Variants in C1orf159 observed in about 807,000 individuals in gnomAD.
C1orf159 encodes chromosome 1 open reading frame 159.
In C1orf159, 19 loss-of-function variants were observed where a neutral mutation model predicts 25.6. The observed-to-expected ratio is 0.74, with a 90% CI of 0.52 to 1.09. The LOEUF is 1.09. C1orf159 is among the 50% of genes least tolerant of loss of function. The probability of loss-of-function intolerance (pLI) is 0.00; values close to 1 mark genes in which losing one functional copy is unlikely to be tolerated. For synonymous variants in C1orf159, 139 were observed against 124.7 expected (o/e 1.12, Z -0.77); for missense variants, 274 against 290.6 (o/e 0.94, Z 0.42).
chr1:1,097,030 G>A (rs1646017303), intron 1 of C1orf159, among the ~76,000 whole-genome samples: 2 of 150,774 alleles, frequency 1.3e-5, no homozygotes, highest in Non-Finnish European at 3.0e-5. Context: ...TGAGCCACCA[G>A]AGATGGCAAT....
At chr1:1,088,712 G>A (rs1036126950) in intron 4 of C1orf159, among the ~76,000 whole-genome samples, 2 of 152,162 alleles carry the variant, frequency 1.3e-5, no homozygotes, top group African/African-American at 4.8e-5. Flanking sequence ...CGGTGCGGCT[G>A]CTGGTGCGGG....
At chr1:1,108,599 G>GGCA (rs1646212088) in intron 1 of C1orf159, among the ~76,000 whole-genome samples, 1 of 102,994 alleles carries the variant, frequency 9.7e-6, no homozygotes, top group Non-Finnish European at 2.0e-5. Flanking sequence ...ACCATGTCTC[G>GGCA]GCACCGTTCA....
intron 1 of C1orf159, among the ~76,000 whole-genome samples, chr1:1,096,464 G>A (rs951887455): frequency 9.8e-4 from 149 of 152,250 alleles, no homozygotes; most frequent in African/African-American, 3.1e-3. Context: ...CACAGCACCC[G>A]TTCCCCCTCC....
At chr1:1,092,440 C>T (rs74048005) in intron 1 of C1orf159, 8,054 of 156,290 alleles carry the variant, frequency 0.052, 259 homozygotes, top group Middle Eastern at 0.095. Context: ...CTCTCTCCCC[C>T]CTGCACTTCC....
chr1:1,096,622 A>G (rs1244744760), intron 1 of C1orf159, among the ~76,000 whole-genome samples: 2 of 152,262 alleles, frequency 1.3e-5, no homozygotes, highest in African/African-American at 4.8e-5. Context: ...CTGAACAGAA[A>G]GAGGACCATG....
At position 1,087,908 on chromosome 1, in the gene C1orf159, C is replaced by T. The variant is rs1156285481; in HGVS notation, c.149-311G>A. Among the ~76,000 whole-genome samples, 1 of 150,018 alleles carries T rather than the reference C, an allele frequency of 6.7e-6. No individual in the cohort carries two copies. The highest frequency in any genetic ancestry group is 2.4e-5 in the African/African-American group (1 of 40,864). On this transcript the variant is annotated intron_variant, in intron 4 of 9. Coordinates refer to ENST00000421241, the MANE Select transcript of C1orf159 (RefSeq NM_017891.5). The surrounding 1 kb of genome is among the most constrained non-coding windows in gnomAD (Gnocchi z 8.3). ...ACGCTGCACTCTCCACGCCGAGCAC[C>T]CCAGCCCCGAGTACTCCACGCTGCA... is the stretch of plus-strand genomic sequence containing the variant.
At chr1:1,084,601 C>T in intron 7 of C1orf159, 95 bp from the exon 8 acceptor site, 1 of 1,483,368 alleles carries the variant, frequency 6.7e-7, no homozygotes. Context: ...GAGGAGCTGC[C>T]TCAGCCTCAG....
intron 1 of C1orf159, among the ~76,000 whole-genome samples, chr1:1,101,559 G>A (rs1426909738): frequency 6.6e-6 from 1 of 152,066 alleles, no homozygotes; most frequent in Non-Finnish European, 1.5e-5. Context: ...TCAGCTCATG[G>A]TCTATCGGCT....
intron 1 of C1orf159, among the ~76,000 whole-genome samples, chr1:1,108,133 A>C (rs966748036): frequency 2.7e-5 from 4 of 146,208 alleles, no homozygotes; most frequent in African/African-American, 1.0e-4. Flanking sequence ...CACAGCCACC[A>C]TGTCTCAGCA....
chr1:1,082,974 G>A lies in C1orf159; in HGVS notation c.516C>T (p.Arg172=). The A allele has an allele frequency of 2.5e-6, 4 of 1,600,232 alleles. No homozygotes were observed. The highest frequency in any genetic ancestry group is 3.4e-6 in the Non-Finnish European group (4 of 1,174,120). ...CCAGGGGCCGCTCCCGCCTGACGTA[G>A]CGCGGCTTCCGTACTGAAACGGGTC... The part of the protein sequence containing the change: ...PPPQSSVRKP[R]YVRRERPLDR... Residue 172 remains arginine, a synonymous_variant, in exon 10 of 10, where the codon CGC becomes CGT. Coordinates refer to ENST00000421241, the MANE Select transcript of C1orf159 (RefSeq NM_017891.5).
At position 1,090,253 on chromosome 1, in the gene C1orf159, AG is replaced by A. The variant is rs111386500; in HGVS notation, c.148+99del. 3.8e-5 allele frequency: 46 copies of A among 1,218,618 alleles called. No individual in the cohort carries two copies. The African/African-American group carries it at 5.3e-4, about 14-fold the overall frequency. 75.5% of individuals were successfully genotyped at this position (1,218,618 alleles called of 1,614,324 possible). A position where few individuals can be genotyped will look rare whatever the true frequency, so the allele number is the denominator to read the frequency against. On this transcript the variant is annotated intron_variant, in intron 4 of 9. Coordinates refer to ENST00000421241, the MANE Select transcript of C1orf159 (RefSeq NM_017891.5). ...ATCCACTCCCCAGGTCCCGCAGCAC[AG>A]ATGAGCACTGTCCTTGTCACCGAGG...
At chr1:1,084,913 C>T (rs1041392782) in intron 7 of C1orf159, among the ~76,000 whole-genome samples, 3 of 152,134 alleles carry the variant, frequency 2.0e-5, no homozygotes, top group Non-Finnish European at 4.4e-5. Flanking sequence ...TTGAGCCCCA[C>T]GGCCGTGGGC....
At position 1,082,038 on chromosome 1, in the gene C1orf159, G is replaced by A. The variant is rs1645750001; in HGVS notation, c.*855C>T. The stretch of plus-strand genomic sequence containing the variant: ...CCACGGTGGAGCCCGGGCCTGGCGT[G>A]CGGGAGGCGGCCACGACGGCGCCTT... On this transcript the variant is annotated 3_prime_UTR_variant, in exon 10 of 10. Coordinates refer to ENST00000421241, the MANE Select transcript of C1orf159 (RefSeq NM_017891.5). 6.6e-6 allele frequency: 1 copy of A among 152,286 alleles called. No homozygotes were observed. The highest frequency in any genetic ancestry group is 1.9e-4 in the East Asian group (1 of 5,178). The allele number at this position is 152,286 out of a possible 1,614,324, so 9.4% of individuals were successfully genotyped here. A position where few individuals can be genotyped will look rare whatever the true frequency, so the allele number is the denominator to read the frequency against.
intron 1 of C1orf159, among the ~76,000 whole-genome samples, chr1:1,114,570 A>G (rs12726255): frequency 0.25 from 37,772 of 152,074 alleles, 6,495 homozygotes; most frequent in African/African-American, 0.49. Context: ...TGCGTGTGGA[A>G]ACACCTGCCT....
intron 2 of C1orf159, 171 bp from the exon 3 acceptor site, chr1:1,091,736 GA>G (rs1363076013): frequency 2.7e-6 from 1 of 371,704 alleles, no homozygotes; most frequent in Non-Finnish European, 5.4e-6. Context: ...GGGCCAAATG[GA>G]AGTGGGCGGG....
In C1orf159 at chr1:1,110,964, C is replaced by T. The variant is rs945927374; in HGVS notation, c.-136+5096G>A. Among the ~76,000 whole-genome samples, 2 of 152,234 alleles carry T rather than the reference C, an allele frequency of 1.3e-5. No individual in the cohort carries two copies. Among genetic ancestry groups the T allele is most frequent in the Non-Finnish European group, 2.9e-5 (2 of 68,034 alleles). On this transcript the variant is annotated intron_variant, in intron 1 of 9. Transcript: ENST00000421241. This position sits in a 1 kb window ranked among gnomAD's most constrained non-coding sequence, Gnocchi z 4.8. ...GCGGGCGCTGGAGCAGCCTGCGAGG[C>T]AATCTCCATGGATCACAGGCAGATT...
intron 1 of C1orf159, chr1:1,115,211 T>C (rs1225507660): frequency 2.0e-5 from 3 of 152,178 alleles, no homozygotes; most frequent in African/African-American, 7.2e-5. Context: ...CGGTAAGAAA[T>C]GCCCCCGAAC....
Position 1,087,014 on chromosome 1 carries a change from C to T in C1orf159, c.310+125G>A. ...AAGCTGCAGGGGCTGCCACGCTCCCCTCTGGCTGTTTTGCAGAACCCTGAG... is the reference window on the plus strand; with the variant it reads ...AAGCTGCAGGGGCTGCCACGCTCCCTTCTGGCTGTTTTGCAGAACCCTGAG... On this transcript the variant is annotated intron_variant, in intron 6 of 9. Transcript: ENST00000421241. This position sits in a 1 kb window ranked among gnomAD's most constrained non-coding sequence, Gnocchi z 8.3. The T allele has an allele frequency of 1.0e-6, 1 of 997,296 alleles. No homozygotes were observed. Among genetic ancestry groups the T allele is most frequent in the Non-Finnish European group, 1.5e-6 (1 of 668,956 alleles). 61.8% of individuals were successfully genotyped at this position (997,296 alleles called of 1,614,324 possible). A position where few individuals can be genotyped will look rare whatever the true frequency, so the allele number is the denominator to read the frequency against.
In C1orf159 at chr1:1,090,507, T is replaced by C. The variant is rs929416715; in HGVS notation, c.73-79A>G. On this transcript the variant is annotated intron_variant, in intron 3 of 9. Coordinates refer to ENST00000421241, the MANE Select transcript of C1orf159 (RefSeq NM_017891.5). ...GCCCAGAGCAGCAGCGGCTGAGGGG[T>C]GCCGTGGGAGCACATCTCAATGTCC... The C allele has an allele frequency of 2.1e-6, 3 of 1,418,944 alleles. No homozygotes were observed. The African/African-American group carries it at 4.3e-5, about 20-fold the overall frequency. The allele number at this position is 1,418,944 out of a possible 1,614,324, so 87.9% of individuals were successfully genotyped here.
Sources: gnomAD v4.1 joint callset for allele counts (sites outside exome capture counted in the v4.1 genomes callset) on GRCh38, gnomAD v4.1.1 for gene constraint, Gnocchi (gnomAD v3.1) non-coding constraint, MANE v1.5 for transcripts, NCBI Gene and HGNC (gene_info 2026-07-23, HGNC 2026-07-21) for gene names.